Variants in GPM6A observed in about 807,000 individuals in gnomAD.
GPM6A encodes neuronal membrane glycoprotein M6-a.
A neutral mutation model predicts 32.1 loss-of-function variants in GPM6A; 7 were observed. That is an observed-to-expected ratio of 0.22 (90% confidence interval 0.12 to 0.41). GPM6A has a LOEUF of 0.41. GPM6A is among the 10% of genes least tolerant of loss of function. The pLI is 1.00. For missense variants in GPM6A, 235 were observed against 347.2 expected (o/e 0.68, Z 2.57); for synonymous variants, 130 against 123.4 (o/e 1.05, Z -0.35).
At chr4:175,888,772 T>C (rs1424884785) in intron 1 of GPM6A, among the ~76,000 whole-genome samples, 1 of 152,096 alleles carries the variant, frequency 6.6e-6, no homozygotes, top group Non-Finnish European at 1.5e-5. Flanking sequence ...TATAATTGTA[T>C]AAACTAAATG....
At chr4:175,926,739 C>T (rs1006059955) in intron 1 of GPM6A, among the ~76,000 whole-genome samples, 3 of 151,898 alleles carry the variant, frequency 2.0e-5, no homozygotes, top group Non-Finnish European at 4.4e-5. Flanking sequence ...TTACAGGAAC[C>T]TCAACATGTA....
intron 1 of GPM6A, among the ~76,000 whole-genome samples, chr4:175,873,882 T>A (rs917710964): frequency 6.6e-6 from 1 of 152,110 alleles, no homozygotes; most frequent in Non-Finnish European, 1.5e-5. Flanking sequence ...TATCTTTGTT[T>A]ATATTATAGT....
intron 1 of GPM6A, among the ~76,000 whole-genome samples, chr4:175,836,126 T>A (rs1255858956): frequency 7.2e-5 from 11 of 152,138 alleles, no homozygotes. Flanking sequence ...GTATCTGGCT[T>A]TCTCTACCTC....
chr4:175,939,358 A>G (rs548777818), intron 1 of GPM6A, among the ~76,000 whole-genome samples: 5 of 152,226 alleles, frequency 3.3e-5, no homozygotes, highest in Non-Finnish European at 5.9e-5. Context: ...TGAATAATTT[A>G]GTAATCTGTA....
intron 1 of GPM6A, among the ~76,000 whole-genome samples, chr4:175,979,222 A>AAG (rs1740751292): frequency 1.3e-5 from 2 of 152,274 alleles, no homozygotes; most frequent in South Asian, 4.1e-4. Flanking sequence ...AATTCCATAA[A>AAG]CTAACGACTT....
Position 175,768,783 on chromosome 4 carries a change from A to G in GPM6A, c.37+43408T>C, listed in dbSNP as rs142387722. Among the ~76,000 whole-genome samples the G allele has an allele frequency of 4.6e-5, 7 of 152,262 alleles. No individual in the cohort carries two copies. In the East Asian group the frequency reaches 1.4e-3, roughly 29 times the overall value. Reference sequence around the variant, plus strand: ...AAGATAAATATAGACATTAATGTGTAGTGCAAGATTAGAAAATAAGGTACT... The same window carrying G: ...AAGATAAATATAGACATTAATGTGTGGTGCAAGATTAGAAAATAAGGTACT... On this transcript the variant is annotated intron_variant, in intron 1 of 6. Transcript: ENST00000393658.
intron 1 of GPM6A, among the ~76,000 whole-genome samples, chr4:175,953,171 A>G (rs1462632888): frequency 6.8e-6 from 1 of 146,322 alleles, no homozygotes; most frequent in African/African-American, 2.5e-5. Flanking sequence ...TAAATTTTAT[A>G]AAACAAATAA....
intron 1 of GPM6A, among the ~76,000 whole-genome samples, chr4:175,893,756 C>T (rs1737714619): frequency 6.6e-6 from 1 of 152,034 alleles, no homozygotes; most frequent in Non-Finnish European, 1.5e-5. Flanking sequence ...GTTTCCTAAC[C>T]TTCCTAAGTA....
At chr4:175,959,647 A>G (rs966520091) in intron 1 of GPM6A, among the ~76,000 whole-genome samples, 1 of 152,152 alleles carries the variant, frequency 6.6e-6, no homozygotes, top group Non-Finnish European at 1.5e-5. Flanking sequence ...TGTGTGACAA[A>G]AGAGTCAATT....
At chr4:175,969,695 A>T (rs1438250265) in intron 1 of GPM6A, among the ~76,000 whole-genome samples, 1 of 152,162 alleles carries the variant, frequency 6.6e-6, no homozygotes, top group Non-Finnish European at 1.5e-5. Flanking sequence ...AGGGCAACAA[A>T]GCAAAACTCT....
At chr4:175,959,559 A>C (rs1027187481) in intron 1 of GPM6A, among the ~76,000 whole-genome samples, 27 of 152,168 alleles carry the variant, frequency 1.8e-4, no homozygotes, top group Admixed American at 1.5e-3. Context: ...CTTTAGGAGA[A>C]CTGGGATGTG....
chr4:175,686,690 A>G (rs1049518216), intron 2 of GPM6A, among the ~76,000 whole-genome samples: 1 of 152,212 alleles, frequency 6.6e-6, no homozygotes, highest in Non-Finnish European at 1.5e-5. Flanking sequence ...CTCTCCAACT[A>G]TGAGAGAATA....
At chr4:175,839,217 A>C (rs1735866410) in intron 1 of GPM6A, among the ~76,000 whole-genome samples, 1 of 152,228 alleles carries the variant, frequency 6.6e-6, no homozygotes, top group South Asian at 2.1e-4. Flanking sequence ...CACTAGAATA[A>C]ACTCCTGATG....
chr4:175,935,110 T>C (rs1739176012), intron 1 of GPM6A, among the ~76,000 whole-genome samples: 2 of 152,216 alleles, frequency 1.3e-5, no homozygotes, highest in Admixed American at 6.5e-5. Context: ...AAATACCCTC[T>C]ACTCTAGGTA....
intron 1 of GPM6A, among the ~76,000 whole-genome samples, chr4:175,826,998 A>T (rs1462702990): frequency 6.6e-6 from 1 of 152,170 alleles, no homozygotes; most frequent in East Asian, 1.9e-4. Flanking sequence ...TGACTTCACA[A>T]GGTGAAGTCA....
At chr4:175,889,354 C>A (rs1200498309) in intron 1 of GPM6A, among the ~76,000 whole-genome samples, 2 of 151,950 alleles carry the variant, frequency 1.3e-5, no homozygotes, top group South Asian at 2.1e-4. Flanking sequence ...TGAGACCCTG[C>A]CACTACAAAA....
At chr4:175,722,132 C>T (rs1003344407) in intron 1 of GPM6A, among the ~76,000 whole-genome samples, 2 of 151,954 alleles carry the variant, frequency 1.3e-5, no homozygotes, top group African/African-American at 4.8e-5. Context: ...ACAAAAAGTA[C>T]AAAAATTAGC....
At chr4:175,838,034 CA>C in intron 1 of GPM6A, among the ~76,000 whole-genome samples, 1 of 151,172 alleles carries the variant, frequency 6.6e-6, no homozygotes, top group East Asian at 2.0e-4. Context: ...TTTAGTTCTC[CA>C]AAGCACCTAC....
At chr4:175,667,765 A>T (rs960158451) in intron 3 of GPM6A, among the ~76,000 whole-genome samples, 2 of 152,188 alleles carry the variant, frequency 1.3e-5, no homozygotes, top group African/African-American at 4.8e-5. Context: ...GTCACAAATT[A>T]TATAACATTA....
Sources: allele counts gnomAD v4.1 joint callset (sites outside exome capture counted in the v4.1 genomes callset), GRCh38; gene constraint gnomAD v4.1.1; transcripts MANE v1.5; gene names NCBI Gene and HGNC (gene_info 2026-07-23, HGNC 2026-07-21).